Variants in DCDC2C observed in about 807,000 individuals in gnomAD.
The protein encoded by DCDC2C is doublecortin domain-containing protein 2C.
In DCDC2C, 44 loss-of-function variants were observed where a neutral mutation model predicts 45.0. The observed-to-expected ratio is 0.98, with a 90% confidence interval of 0.77 to 1.26. The LOEUF (loss-of-function observed/expected upper bound fraction) is 1.26, where lower values mean the gene tolerates loss of function less well. DCDC2C is among the 50% of genes most tolerant of loss of function. The probability of loss-of-function intolerance (pLI) is 0.00; values close to 1 mark genes in which losing one functional copy is unlikely to be tolerated. For synonymous variants in DCDC2C, 187 were observed against 178.8 expected (o/e 1.05, Z -0.37); for missense variants, 447 against 468.9 (o/e 0.95, Z 0.43).
chr2:3,847,209 A>G lies in DCDC2C; in HGVS notation c.*26A>G, dbSNP rs556569034. On this transcript the variant is annotated 3_prime_UTR_variant, in exon 11 of 11. Coordinates refer to ENST00000399143, the MANE Select transcript of DCDC2C (RefSeq NM_001287444.2). ...CAAAACCACCTTTATTATTACCTGA[A>G]GTCCACTTTTCTTCAACCATGGGGC... The G allele has an allele frequency of 1.7e-5, 21 of 1,229,924 alleles. No homozygotes were observed. In the South Asian group the frequency reaches 8.2e-4, roughly 48 times the overall value. The allele number at this position is 1,229,924 out of a possible 1,614,324, so 76.2% of individuals were successfully genotyped here.
At chr2:3,832,766 G>A (rs1572648745) in intron 10 of DCDC2C, among the ~76,000 whole-genome samples, 1 of 152,334 alleles carries the variant, frequency 6.6e-6, no homozygotes, top group East Asian at 1.9e-4. Flanking sequence ...CTCAAGGTGA[G>A]AGTGAGCCAT....
chr2:3,790,812 A>C (rs1335101668), intron 10 of DCDC2C, among the ~76,000 whole-genome samples: 2 of 152,136 alleles, frequency 1.3e-5, no homozygotes, highest in African/African-American at 4.8e-5. Flanking sequence ...ACTTTTAGAA[A>C]ATTATTTGGT....
chr2:3,769,403 G>T lies in DCDC2C; in HGVS notation c.946G>T (p.Val316Leu). The change falls in exon 8 of 11, where the codon GTG (valine) becomes TTG (leucine). Residue 316 changes from valine (V) to leucine (L), a missense_variant. By Grantham distance (32) the Val-to-Leu change is conservative. Coordinates refer to ENST00000399143, the MANE Select transcript of DCDC2C (RefSeq NM_001287444.2). ...GCACAATGTGCAGCTGGAGGTGCCT[G>T]TGGACCAGGTGGGTGTCCGGGGTCC... ...EEHNVQLEVPVDQRQAEIVKE... is the reference protein window; with the variant it reads ...EEHNVQLEVPLDQRQAEIVKE... 6.5e-7 allele frequency: 1 copy of T among 1,550,366 alleles called. No individual in the cohort carries two copies. Among genetic ancestry groups the T allele is most frequent in the Non-Finnish European group, 8.7e-7 (1 of 1,146,876 alleles).
At position 3,734,445 on chromosome 2, in the gene DCDC2C, C is replaced by T. The variant is rs1235383661; in HGVS notation, c.416+7366C>T. Among the ~76,000 whole-genome samples the T allele has an allele frequency of 1.3e-5, 2 of 152,150 alleles. No individual in the cohort carries two copies. The highest frequency in any genetic ancestry group is 2.4e-5 in the African/African-American group (1 of 41,420). The stretch of plus-strand genomic sequence containing the variant: ...ATGTTGGTGACACGGGTGTCACTAA[C>T]ATCCACTAACTAACCACGGGTAAAG... On this transcript the variant is annotated intron_variant, in intron 3 of 10. Coordinates refer to ENST00000399143, the MANE Select transcript of DCDC2C (RefSeq NM_001287444.2). This position sits in a 1 kb window ranked among gnomAD's most constrained non-coding sequence, Gnocchi z 4.2.
At chr2:3,717,688 A>G (rs1444354389) in intron 2 of DCDC2C, among the ~76,000 whole-genome samples, 1 of 152,076 alleles carries the variant, frequency 6.6e-6, no homozygotes, top group Non-Finnish European at 1.5e-5. Context: ...TGAAGTCTGC[A>G]CTAGTTACCA....
At chr2:3,837,228 C>T (rs1035787012) in intron 10 of DCDC2C, among the ~76,000 whole-genome samples, 5 of 152,154 alleles carry the variant, frequency 3.3e-5, no homozygotes, top group African/African-American at 1.2e-4. Flanking sequence ...GCTAAATCTG[C>T]TAAGGAGTGG....
chr2:3,802,456 G>C (rs1253106425), intron 10 of DCDC2C, among the ~76,000 whole-genome samples: 1 of 152,178 alleles, frequency 6.6e-6, no homozygotes, highest in African/African-American at 2.4e-5. Flanking sequence ...AAAACACTTG[G>C]GGACACTGAG....
At chr2:3,803,254 C>T (rs1416674267) in intron 10 of DCDC2C, among the ~76,000 whole-genome samples, 1 of 152,170 alleles carries the variant, frequency 6.6e-6, no homozygotes, top group Non-Finnish European at 1.5e-5. Context: ...CTTGTAACCT[C>T]TGGGTTTTTT....
chr2:3,729,147 C>T (rs1055227742), intron 3 of DCDC2C, among the ~76,000 whole-genome samples: 7 of 152,082 alleles, frequency 4.6e-5, no homozygotes, highest in African/African-American at 1.7e-4. Context: ...GATCTTTTGT[C>T]GTTTATTTAG....
At chr2:3,756,125 A>G (rs986269614) in intron 6 of DCDC2C, among the ~76,000 whole-genome samples, 1 of 152,054 alleles carries the variant, frequency 6.6e-6, no homozygotes, top group Admixed American at 6.6e-5. Context: ...GTTGCAGCAT[A>G]AAGCATGAGG....
chr2:3,732,228 G>A (rs1668892054), intron 3 of DCDC2C, among the ~76,000 whole-genome samples: 1 of 152,062 alleles, frequency 6.6e-6, no homozygotes, highest in Non-Finnish European at 1.5e-5. Context: ...AGTATGAAAA[G>A]GCAGGAGAAT....
Position 3,754,708 on chromosome 2 carries a change from C to T in DCDC2C, c.726+74C>T, listed in dbSNP as rs140722135. 962 of 1,323,858 alleles carry T rather than the reference C, an allele frequency of 7.3e-4. 8 individuals carry two copies. The highest frequency in any genetic ancestry group is 5.4e-3 in the South Asian group (407 of 75,860). 82.0% of individuals were successfully genotyped at this position (1,323,858 alleles called of 1,614,324 possible). A position where few individuals can be genotyped will look rare whatever the true frequency, so the allele number is the denominator to read the frequency against. On this transcript the variant is annotated intron_variant, in intron 6 of 10. Coordinates refer to ENST00000399143, the MANE Select transcript of DCDC2C (RefSeq NM_001287444.2). ...TCTTCTGGCATTAACAAGGGCACAG[C>T]GCAGGGTGACGGCCCGAGCTGTAAA...
At position 3,805,310 on chromosome 2, in the gene DCDC2C, G is replaced by A. The variant is rs1490423922; in HGVS notation, c.1065+20210G>A. On this transcript the variant is annotated intron_variant, in intron 10 of 10. Coordinates refer to ENST00000399143, the MANE Select transcript of DCDC2C (RefSeq NM_001287444.2). ...TCGGGGAAACCTGCCAGGTTGATGA[G>A]TCCGACCCCTGGTGGTGGAGAAAGG... Among the ~76,000 whole-genome samples, 7 of 152,234 alleles carry A rather than the reference G, an allele frequency of 4.6e-5. No individual in the cohort carries two copies. The East Asian group carries it at 1.3e-3, about 29-fold the overall frequency.
rs759281720 is a variant in DCDC2C at position 3,818,568 on chromosome 2, T to TA, written c.1066-28585dup. On this transcript the variant is annotated intron_variant, in intron 10 of 10. Transcript: ENST00000399143. This position sits in a 1 kb window ranked among gnomAD's most constrained non-coding sequence, Gnocchi z 4.7. ...CAATGGGGGAATTGTAAGAAGAGTT[T>TA]ATATAGGCTTTAAAAGGCCATGCTG... Among the ~76,000 whole-genome samples, 2 of 152,074 alleles carry TA rather than the reference T, an allele frequency of 1.3e-5. No individual in the cohort carries two copies. The highest frequency in any genetic ancestry group is 2.9e-5 in the Non-Finnish European group (2 of 68,010).
At chr2:3,715,576 T>TTCCATCCATCCATCCATCCATCCA (rs59747438) in intron 2 of DCDC2C, among the ~76,000 whole-genome samples, 3,238 of 151,152 alleles carry the variant, frequency 0.021, 48 homozygotes, top group East Asian at 0.05. Flanking sequence ...ATCCTAAACT[T>TTCCATCCATCCATCCATCCATCCA]TCCATCCATC....
At chr2:3,721,903 C>T (rs62106601) in intron 2 of DCDC2C, among the ~76,000 whole-genome samples, 20,439 of 152,198 alleles carry the variant, frequency 0.13, 1,761 homozygotes, top group Non-Finnish European at 0.17. Context: ...GTGAGGCCTC[C>T]CCAGCCATAG....
Position 3,742,272 on chromosome 2 carries a change from G to A in DCDC2C, c.545+224G>A, listed in dbSNP as rs529498331. 2.6e-5 allele frequency among the ~76,000 whole-genome samples: 4 copies of A among 152,322 alleles called. No homozygotes were observed. In the East Asian group the frequency reaches 7.7e-4, roughly 29 times the overall value. Reference sequence around the variant, plus strand: ...ACAAACCATTGAGCATCTACCATGTGCTAGGGGTGGAGAATACAGCATTGC... The same window carrying A: ...ACAAACCATTGAGCATCTACCATGTACTAGGGGTGGAGAATACAGCATTGC... On this transcript the variant is annotated intron_variant, in intron 4 of 10. Coordinates refer to ENST00000399143, the MANE Select transcript of DCDC2C (RefSeq NM_001287444.2).
chr2:3,799,118 A>C (rs547959050), intron 10 of DCDC2C, among the ~76,000 whole-genome samples: 368 of 151,536 alleles, frequency 2.4e-3, no homozygotes, highest in Admixed American at 4.4e-3. Flanking sequence ...TATTTCCTTC[A>C]TTTCATCTTC....
At chr2:3,781,091 T>C (rs1370402230) in intron 9 of DCDC2C, among the ~76,000 whole-genome samples, 1 of 152,226 alleles carries the variant, frequency 6.6e-6, no homozygotes, top group Non-Finnish European at 1.5e-5. Context: ...GTGAAGCAAC[T>C]CATGGGGTTG....
Sources: allele counts gnomAD v4.1 joint callset (sites outside exome capture counted in the v4.1 genomes callset), GRCh38; gene constraint gnomAD v4.1.1; non-coding constraint Gnocchi (gnomAD v3.1); transcripts MANE v1.5; gene names NCBI Gene and HGNC (gene_info 2026-07-23, HGNC 2026-07-21).